Variants in PDE4D observed in about 807,000 individuals in gnomAD.
The protein encoded by PDE4D is 3',5'-cyclic-AMP phosphodiesterase 4D.
Under a neutral mutation model 87.4 loss-of-function variants are expected in PDE4D, and 24 were observed. The observed-to-expected ratio is 0.27, with a 90% CI of 0.20 to 0.39. The LOEUF is 0.39. PDE4D is among the 10% of genes least tolerant of loss of function. The pLI, the probability that PDE4D is intolerant of heterozygous loss-of-function variation, is 1.00. For missense variants in PDE4D, 714 were observed against 1,041.0 expected (o/e 0.69, Z 4.32); for synonymous variants, 384 against 383.2 (o/e 1.00, Z -0.02).
chr5:60,096,506 T>C (rs1198402834), intron 2 of PDE4D, among the ~76,000 whole-genome samples: 1 of 152,146 alleles, frequency 6.6e-6, no homozygotes, highest in African/African-American at 2.4e-5. Context: ...CTTCAAATTA[T>C]AAAGACAACT....
chr5:59,226,080 A>G (rs1213318927), intron 1 of PDE4D, among the ~76,000 whole-genome samples: 2 of 152,148 alleles, frequency 1.3e-5, no homozygotes, highest in Admixed American at 1.3e-4. Context: ...CTACTATAAA[A>G]AACAGTATGG....
intron 2 of PDE4D, among the ~76,000 whole-genome samples, chr5:60,184,965 T>A (rs1784665025): frequency 6.6e-6 from 1 of 152,144 alleles, no homozygotes; most frequent in African/African-American, 2.4e-5. Context: ...CTTTTTTCCA[T>A]ACACTAATAT....
intron 1 of PDE4D, among the ~76,000 whole-genome samples, chr5:59,401,529 G>C (rs1790648815): frequency 6.6e-6 from 1 of 151,798 alleles, no homozygotes; most frequent in Non-Finnish European, 1.5e-5. Context: ...TAATGCAAGA[G>C]AGTGAATAAG....
At chr5:59,495,112 TA>T (rs1299414354) in intron 1 of PDE4D, among the ~76,000 whole-genome samples, 4 of 152,168 alleles carry the variant, frequency 2.6e-5, no homozygotes, top group African/African-American at 9.7e-5. Flanking sequence ...GCCTTTATGA[TA>T]TTGTAAGCAA....
chr5:60,031,603 A>G (rs893595805), intron 2 of PDE4D, among the ~76,000 whole-genome samples: 2 of 152,242 alleles, frequency 1.3e-5, no homozygotes, highest in Non-Finnish European at 2.9e-5. Context: ...CTGATGAAGA[A>G]TAATATGTTT....
chr5:59,301,769 G>A (rs1770300149), intron 1 of PDE4D, among the ~76,000 whole-genome samples: 1 of 152,040 alleles, frequency 6.6e-6, no homozygotes, highest in Admixed American at 6.6e-5. Flanking sequence ...TATGAGCAGG[G>A]TAGGAGAGTG....
rs527275855 is a variant in PDE4D, at chr5:59,828,861, A to C, written c.455+64307T>G. Reference sequence around the variant, plus strand: ...AAGTTATGTCCATTAGAGGACCGGCAGGTAGGCCTCCTTCCAAGGGCCAGT... The same window carrying C: ...AAGTTATGTCCATTAGAGGACCGGCCGGTAGGCCTCCTTCCAAGGGCCAGT... On this transcript the variant is annotated intron_variant, in intron 1 of 14. Coordinates refer to ENST00000340635, the MANE Select transcript of PDE4D (RefSeq NM_001104631.2). Among the ~76,000 whole-genome samples the C allele has an allele frequency of 1.7e-4, 26 of 152,206 alleles. 1 individual carries two copies. In the South Asian group the frequency reaches 5.4e-3, roughly 32 times the overall value.
intron 1 of PDE4D, among the ~76,000 whole-genome samples, chr5:60,451,284 C>T (rs1309532149): frequency 1.3e-5 from 2 of 152,052 alleles, no homozygotes; most frequent in African/African-American, 4.8e-5. Context: ...TTGGGAGGTA[C>T]ATGTGATATT....
intron 3 of PDE4D, among the ~76,000 whole-genome samples, chr5:59,982,133 T>C (rs1761989335): frequency 6.6e-6 from 1 of 152,216 alleles, no homozygotes; most frequent in Non-Finnish European, 1.5e-5. Context: ...AAAGTGACCA[T>C]GTCTTCTTTT....
At chr5:59,137,287 T>C (rs1313885082) in intron 5 of PDE4D, among the ~76,000 whole-genome samples, 1 of 152,172 alleles carries the variant, frequency 6.6e-6, no homozygotes, top group African/African-American at 2.4e-5. Context: ...TTGGAGTTTA[T>C]GTAGGGTTTT....
chr5:59,051,350 ACT>A (rs1478942460), intron 5 of PDE4D, among the ~76,000 whole-genome samples: 1 of 152,186 alleles, frequency 6.6e-6, no homozygotes, highest in African/African-American at 2.4e-5. Context: ...ACAGAGTGAG[ACT>A]CTGTCTCAAA....
chr5:59,364,648 T>C (rs993001980), intron 1 of PDE4D, among the ~76,000 whole-genome samples: 2 of 152,142 alleles, frequency 1.3e-5, no homozygotes, highest in African/African-American at 4.8e-5. Flanking sequence ...GATGGTGAAA[T>C]GCATGAGGCA....
At chr5:60,152,449 C>G (rs747850232) in intron 2 of PDE4D, among the ~76,000 whole-genome samples, 2 of 151,908 alleles carry the variant, frequency 1.3e-5, no homozygotes, top group Admixed American at 6.6e-5. Flanking sequence ...GTCAGGAGAT[C>G]GAGACCATCC....
At chr5:59,971,773 C>T (rs1760792580) in intron 3 of PDE4D, among the ~76,000 whole-genome samples, 1 of 152,170 alleles carries the variant, frequency 6.6e-6, no homozygotes, top group Admixed American at 6.5e-5. Context: ...ACTAATTTTA[C>T]ACCTAAACTT....
At chr5:59,470,492 T>G (rs1332703158) in intron 1 of PDE4D, among the ~76,000 whole-genome samples, 1 of 152,166 alleles carries the variant, frequency 6.6e-6, no homozygotes, top group Non-Finnish European at 1.5e-5. Context: ...ATACCATAAT[T>G]TCATCAGTGA....
rs59729469 is a variant in PDE4D, at chr5:59,452,955, CTT to C, written c.456-236989_456-236988del. Among the ~76,000 whole-genome samples, 207 of 132,338 alleles carry C rather than the reference CTT, an allele frequency of 1.6e-3. 1 individual carries two copies. Among genetic ancestry groups the C allele is most frequent in the African/African-American group, 4.9e-3 (179 of 36,288 alleles). 86.8% of individuals were successfully genotyped at this position (132,338 alleles called of 152,430 possible). ...GTTTTGTTGTGCTTTGCAGAGATGG[CTT>C]TTTTTTTTTTTTTAACAAAATGGTT... On this transcript the variant is annotated intron_variant, in intron 1 of 14. Transcript: ENST00000340635.
At chr5:59,636,441 G>A (rs1338977479) in intron 1 of PDE4D, among the ~76,000 whole-genome samples, 1 of 151,454 alleles carries the variant, frequency 6.6e-6, no homozygotes, top group Non-Finnish European at 1.5e-5. Context: ...CTAAGCAAAA[G>A]AAAAAACAAA....
intron 1 of PDE4D, among the ~76,000 whole-genome samples, chr5:59,648,927 C>T (rs899775157): frequency 6.6e-6 from 1 of 152,130 alleles, no homozygotes; most frequent in Non-Finnish European, 1.5e-5. Context: ...GCTTGTCTTA[C>T]GAGTTGATGT....
chr5:60,002,902 C>T (rs1004107135), intron 2 of PDE4D, among the ~76,000 whole-genome samples: 4 of 152,008 alleles, frequency 2.6e-5, no homozygotes, highest in African/African-American at 9.7e-5. Flanking sequence ...TTGTGTTCAA[C>T]ACAGTAATGA....
Sources: gnomAD v4.1 joint callset for allele counts (sites outside exome capture counted in the v4.1 genomes callset) on GRCh38, gnomAD v4.1.1 for gene constraint, MANE v1.5 for transcripts, NCBI Gene and HGNC (gene_info 2026-07-23, HGNC 2026-07-21) for gene names.